Variants in CASK observed in about 807,000 individuals in gnomAD.
CASK encodes the protein calcium/calmodulin dependent serine protein kinase, also known as peripheral plasma membrane protein CASK.
CASK carries 4 observed loss-of-function variants against 82.9 expected under a neutral mutation model. The ratio of observed to expected loss-of-function variants is 0.05; its 90% CI spans 0.02 to 0.11. The LOEUF is 0.11. CASK is among the 10% of genes least tolerant of loss of function. The pLI is 1.00. For synonymous variants in CASK, 259 were observed against 253.5 expected (o/e 1.02, Z -0.20); for missense variants, 358 against 720.9 (o/e 0.50, Z 5.76).
intron 5 of CASK, among the ~76,000 whole-genome samples, chrX:41,736,114 A>G (rs768857566): frequency 8.9e-6 from 1 of 112,199 alleles, no homozygotes; most frequent in South Asian, 3.7e-4. Context: ...TAAGAAAAAT[A>G]CACCAACATT....
At chrX:41,750,092 G>C (rs1000701155) in intron 3 of CASK, among the ~76,000 whole-genome samples, 10 of 111,081 alleles carry the variant, frequency 9.0e-5, no homozygotes, top group Admixed American at 1.9e-4. Context: ...CTCTGAAAGA[G>C]AGGCATCACT....
chrX:41,830,036 T>A (rs747905784), intron 2 of CASK, among the ~76,000 whole-genome samples: 3 of 107,865 alleles, frequency 2.8e-5, no homozygotes, highest in African/African-American at 1.0e-4. Context: ...GGTCTCACTC[T>A]GTTGCCCAGG....
rs759852198 is a variant in CASK at position 41,745,551 on chromosome X, C to T, written c.329G>A (p.Gly110Asp). 1.7e-6 allele frequency: 2 copies of T among 1,203,249 alleles called. No homozygotes were observed. Among genetic ancestry groups the T allele is most frequent in the South Asian group, 3.5e-5 (2 of 56,639 alleles). ...CFEIVKRADA[G>D]FVYSEAVASH... ...GGCTACAGCTTCACTGTACACAAAA[C>T]CAGCGTCAGCTCGCTTTACGATTTC... Residue 110 changes from glycine to aspartate, a missense_variant, in exon 4 of 27, where the codon GGT becomes GAT. Coordinates refer to ENST00000378163, the MANE Select transcript of CASK (RefSeq NM_001367721.1).
intron 22 of CASK, among the ~76,000 whole-genome samples, chrX:41,535,545 C>T (rs1386819297): frequency 6.4e-5 from 7 of 109,653 alleles, no homozygotes; most frequent in African/African-American, 1.0e-4. Context: ...AACTATTGCA[C>T]AAGCTTATCA....
chrX:41,670,707 C>T (rs1222266529), intron 6 of CASK, among the ~76,000 whole-genome samples: 2 of 110,371 alleles, frequency 1.8e-5, no homozygotes, highest in East Asian at 2.8e-4. Flanking sequence ...GTGCCATGAT[C>T]GTGCCACTGT....
At chrX:41,849,162 A>G (rs2071213061) in intron 2 of CASK, among the ~76,000 whole-genome samples, 1 of 111,758 alleles carries the variant, frequency 8.9e-6, no homozygotes, top group Admixed American at 9.5e-5. Flanking sequence ...ACTCCCAAAT[A>G]AAAACAGTTA....
chrX:41,802,515 A>G (rs5918248), intron 2 of CASK, among the ~76,000 whole-genome samples: 21,462 of 111,744 alleles, frequency 0.19, 1,627 homozygotes, highest in Middle Eastern at 0.3. Context: ...AAGAATTTCT[A>G]AACTAAAGAA....
intron 5 of CASK, among the ~76,000 whole-genome samples, chrX:41,734,170 C>A (rs890210290): frequency 1.8e-5 from 2 of 112,107 alleles, no homozygotes; most frequent in Non-Finnish European, 3.8e-5. Context: ...TGGGCACAGG[C>A]ACCATTCAGA....
chrX:41,671,675 T>C, intron 5 of CASK, 145 bp from the exon 6 acceptor site: 1 of 490,839 alleles, frequency 2.0e-6, no homozygotes, highest in Non-Finnish European at 3.7e-6. Flanking sequence ...TTCTGGATGC[T>C]TGAATTATTT....
intron 2 of CASK, among the ~76,000 whole-genome samples, chrX:41,812,667 G>T (rs1452318372): frequency 2.0e-4 from 22 of 110,905 alleles, no homozygotes; most frequent in East Asian, 1.4e-3. Flanking sequence ...AGCATTCCCT[G>T]TGAAAACTGG....
At chrX:41,665,249 GA>G (rs2147478794) in intron 7 of CASK, 27 bp downstream of exon 7, 2 of 1,139,209 alleles carry the variant, frequency 1.8e-6, no homozygotes, top group Non-Finnish European at 2.4e-6. Flanking sequence ...AATCTCAATG[GA>G]AAAAGAAAAT....
At chrX:41,742,153 G>C (rs949057424) in intron 4 of CASK, among the ~76,000 whole-genome samples, 1 of 111,856 alleles carries the variant, frequency 8.9e-6, no homozygotes, top group African/African-American at 3.3e-5. Flanking sequence ...AGTAGAACAC[G>C]GGATCTCTGA....
chrX:41,888,817 G>GTA (rs1457203282), intron 1 of CASK, among the ~76,000 whole-genome samples: 1 of 104,967 alleles, frequency 9.5e-6, no homozygotes, highest in Non-Finnish European at 1.9e-5. Flanking sequence ...ACATGTATAT[G>GTA]TATATATGTA....
intron 11 of CASK, among the ~76,000 whole-genome samples, chrX:41,617,920 C>T (rs2066225901): frequency 8.9e-6 from 1 of 112,146 alleles, no homozygotes; most frequent in African/African-American, 3.2e-5. Flanking sequence ...TCTGAATAAA[C>T]TTGTAACTAT....
At chrX:41,907,832 G>T (rs1188592474) in intron 1 of CASK, among the ~76,000 whole-genome samples, 1 of 110,988 alleles carries the variant, frequency 9.0e-6, no homozygotes. Context: ...CGGGGTGGGG[G>T]TAGGGGGTTC....
At chrX:41,642,529 C>G (rs762329214) in intron 8 of CASK, among the ~76,000 whole-genome samples, 1 of 112,447 alleles carries the variant, frequency 8.9e-6, no homozygotes, top group South Asian at 3.7e-4. Context: ...TGTCTGTTGG[C>G]TGCATAAATG....
At chrX:41,537,668 C>T (rs1367450491) in intron 22 of CASK, among the ~76,000 whole-genome samples, 3 of 109,980 alleles carry the variant, frequency 2.7e-5, no homozygotes, top group Non-Finnish European at 3.8e-5. Flanking sequence ...TAAAAGCCAG[C>T]GGATTTTATA....
intron 5 of CASK, among the ~76,000 whole-genome samples, chrX:41,672,008 C>T (rs1195460744): frequency 9.0e-6 from 1 of 111,539 alleles, no homozygotes; most frequent in Admixed American, 9.5e-5. Context: ...CTGCCCAGTC[C>T]TCTTTTCTTT....
chrX:41,810,119 T>C (rs1436267686), intron 2 of CASK, among the ~76,000 whole-genome samples: 1 of 112,328 alleles, frequency 8.9e-6, no homozygotes, highest in Admixed American at 9.4e-5. Flanking sequence ...CTGATTGGTG[T>C]ACCTGAAAGT....
Sources: allele counts gnomAD v4.1 joint callset (sites outside exome capture counted in the v4.1 genomes callset), GRCh38; gene constraint gnomAD v4.1.1; transcripts MANE v1.5; gene names NCBI Gene and HGNC (gene_info 2026-07-23, HGNC 2026-07-21).